Variants in RHBDD1 observed in about 807,000 individuals in gnomAD.
RHBDD1 encodes the protein rhomboid-related protein 4.
A neutral mutation model predicts 36.3 loss-of-function variants in RHBDD1; 38 were observed. The observed-to-expected ratio is 1.05, with a 90% confidence interval of 0.81 to 1.37. The LOEUF (loss-of-function observed/expected upper bound fraction) is 1.37. RHBDD1 is among the 40% of genes most tolerant of loss of function. The pLI is 0.00. For synonymous variants in RHBDD1, 151 were observed against 136.5 expected (o/e 1.11, Z -0.74); for missense variants, 393 against 377.6 (o/e 1.04, Z -0.34).
the RHBDD1 span, among the ~76,000 whole-genome samples, chr2:226,826,840 ATTC>A: frequency 3.9e-5 from 6 of 152,130 alleles, no homozygotes; most frequent in Admixed American, 1.3e-4. Context: ...TTAATTGTAC[ATTC>A]TTCTTTTACA....
chr2:226,883,478 G>A (rs1375463508), intron 5 of RHBDD1, among the ~76,000 whole-genome samples: 1 of 152,200 alleles, frequency 6.6e-6, no homozygotes, highest in Non-Finnish European at 1.5e-5. Flanking sequence ...GGCCTGCTCA[G>A]AATAACAGAG....
intron 3 of RHBDD1, among the ~76,000 whole-genome samples, chr2:226,857,682 G>A (rs537279851): frequency 2.0e-5 from 3 of 152,248 alleles, no homozygotes; most frequent in East Asian, 3.9e-4. Context: ...AATACAAAAG[G>A]CCATGTATTG....
chr2:226,932,424 A>T (rs1950079314), intron 8 of RHBDD1, among the ~76,000 whole-genome samples: 1 of 152,102 alleles, frequency 6.6e-6, no homozygotes, highest in African/African-American at 2.4e-5. Flanking sequence ...ATTACCTGTG[A>T]TAATTATGAG....
intron 3 of RHBDD1, among the ~76,000 whole-genome samples, chr2:226,861,514 G>GCT (rs1943853736): frequency 6.6e-6 from 1 of 152,190 alleles, no homozygotes; most frequent in Non-Finnish European, 1.5e-5. Context: ...TAATTGAGGG[G>GCT]CAAGTTTTTC....
intron 8 of RHBDD1, among the ~76,000 whole-genome samples, chr2:226,971,693 A>T (rs1953537396): frequency 6.6e-6 from 1 of 152,122 alleles, no homozygotes; most frequent in Admixed American, 6.5e-5. Context: ...AAAATCAGAG[A>T]GGTGTTTTTT....
chr2:226,821,097 T>C, the RHBDD1 span, among the ~76,000 whole-genome samples: 1 of 152,184 alleles, frequency 6.6e-6, no homozygotes, highest in Non-Finnish European at 1.5e-5. Flanking sequence ...GTTGATATTA[T>C]AGTTAACATT....
chr2:226,869,557 GA>G (rs1387995792), intron 5 of RHBDD1, among the ~76,000 whole-genome samples: 1 of 151,946 alleles, frequency 6.6e-6, no homozygotes, highest in Non-Finnish European at 1.5e-5. Context: ...CCTTCGGGAG[GA>G]AAAAAAATCT....
At chr2:226,914,450 C>T in intron 8 of RHBDD1, 99 bp downstream of exon 8, 2 of 1,340,708 alleles carry the variant, frequency 1.5e-6, no homozygotes, top group Non-Finnish European at 2.0e-6. Context: ...TTAAACAGTT[C>T]AGAAAAAGGA....
intron 3 of RHBDD1, among the ~76,000 whole-genome samples, chr2:226,863,940 A>G (rs1944088251): frequency 6.6e-6 from 1 of 151,308 alleles, no homozygotes; most frequent in Non-Finnish European, 1.5e-5. Context: ...TCCCTCTCTC[A>G]CTGCATTTAG....
chr2:226,904,592 A>C (rs1244767429), intron 5 of RHBDD1, among the ~76,000 whole-genome samples: 1 of 152,152 alleles, frequency 6.6e-6, no homozygotes, highest in Non-Finnish European at 1.5e-5. Flanking sequence ...TGTCTGGGCA[A>C]TAGTGTCATT....
At chr2:226,987,367 G>A (rs148285105) in intron 8 of RHBDD1, among the ~76,000 whole-genome samples, 2 of 152,252 alleles carry the variant, frequency 1.3e-5, no homozygotes, top group Admixed American at 1.3e-4. Flanking sequence ...ATGGGAGGAC[G>A]GCACTGAAGA....
chr2:226,977,979 T>C (rs1336045045), intron 8 of RHBDD1, among the ~76,000 whole-genome samples: 1 of 152,262 alleles, frequency 6.6e-6, no homozygotes, highest in East Asian at 1.9e-4. Flanking sequence ...TTCTTTTCTC[T>C]ATAGTATTTA....
intron 8 of RHBDD1, among the ~76,000 whole-genome samples, chr2:226,953,592 A>C (rs1251582294): frequency 1.3e-5 from 2 of 152,084 alleles, no homozygotes; most frequent in Non-Finnish European, 2.9e-5. Flanking sequence ...TTATCACCTA[A>C]GTTTGTTTTA....
At chr2:226,944,288 C>T (rs1475465576) in intron 8 of RHBDD1, among the ~76,000 whole-genome samples, 5 of 152,112 alleles carry the variant, frequency 3.3e-5, no homozygotes, top group African/African-American at 7.2e-5. Flanking sequence ...TTTTTTAAAA[C>T]GAAAATAAAA....
rs138046317 is a variant in RHBDD1 at position 226,938,862 on chromosome 2, T to C, written c.856+24511T>C. On this transcript the variant is annotated intron_variant, in intron 8 of 8. Coordinates refer to ENST00000392062, the MANE Select transcript of RHBDD1 (RefSeq NM_001167608.3). ...TTTAGGCCAATATCTTTGATGAACA[T>C]CAATGCAAAAATCCTCAACAAAATA... is the stretch of plus-strand genomic sequence containing the variant. 7.7e-3 allele frequency among the ~76,000 whole-genome samples: 1,171 copies of C among 152,216 alleles called. 11 individuals are homozygous for C. Among genetic ancestry groups the C allele is most frequent in the African/African-American group, 0.027 (1,117 of 41,526 alleles).
chr2:226,994,938 T>C (rs1382037306), intron 8 of RHBDD1, among the ~76,000 whole-genome samples: 1 of 152,174 alleles, frequency 6.6e-6, no homozygotes, highest in African/African-American at 2.4e-5. Flanking sequence ...CAGTGGTTGC[T>C]TGTGTGTTTC....
the RHBDD1 span, among the ~76,000 whole-genome samples, chr2:226,817,752 A>G: frequency 1.3e-5 from 2 of 152,224 alleles, no homozygotes; most frequent in Non-Finnish European, 2.9e-5. Flanking sequence ...AACTCCACTC[A>G]TGTTTATGTG....
chr2:226,954,568 TATC>T (rs1274834197), intron 8 of RHBDD1, among the ~76,000 whole-genome samples: 1 of 152,116 alleles, frequency 6.6e-6, no homozygotes, highest in African/African-American at 2.4e-5. Flanking sequence ...TGGTATTAAA[TATC>T]ATTGCCCACT....
chr2:226,965,263 G>A (rs1182623570), intron 8 of RHBDD1, among the ~76,000 whole-genome samples: 1 of 152,166 alleles, frequency 6.6e-6, no homozygotes, highest in Non-Finnish European at 1.5e-5. Context: ...ACCCAAGCTG[G>A]GCTAGAGGCA....
Sources: allele counts gnomAD v4.1 joint callset (sites outside exome capture counted in the v4.1 genomes callset), GRCh38; gene constraint gnomAD v4.1.1; transcripts MANE v1.5; gene names NCBI Gene and HGNC (gene_info 2026-07-23, HGNC 2026-07-21).